The following ZNF841 variants were observed in gnomAD, a reference collection of about 807,000 sequenced individuals.
The protein encoded by ZNF841 is TCONS_00006091.
Under a neutral mutation model 13.0 loss-of-function variants are expected in ZNF841, and 11 were observed. The ratio of observed to expected loss-of-function variants is 0.85; its 90% CI spans 0.53 to 1.40. The LOEUF (loss-of-function observed/expected upper bound fraction) is 1.40. ZNF841 is among the 40% of genes most tolerant of loss of function. The pLI is 0.00. For missense variants in ZNF841, 1,068 were observed against 1,139.5 expected (o/e 0.94, Z 0.90); for synonymous variants, 369 against 381.6 (o/e 0.97, Z 0.38).
intron 3 of ZNF841, among the ~76,000 whole-genome samples, chr19:52,088,379 A>C (rs1253803554): frequency 6.6e-6 from 1 of 152,056 alleles, no homozygotes; most frequent in East Asian, 1.9e-4. Flanking sequence ...ATTTGAAAAA[A>C]CTCACAGATG....
At position 52,066,679 on chromosome 19, in the gene ZNF841, G is replaced by C; in HGVS notation, c.1203C>G (p.Tyr401Ter). 1 of 1,612,132 alleles carries C rather than the reference G, an allele frequency of 6.2e-7. No individual in the cohort carries two copies. The highest frequency in any genetic ancestry group is 8.5e-7 in the Non-Finnish European group (1 of 1,178,960). Residue 401 changes from tyrosine (Y) to a stop codon, truncating the protein, a stop_gained, in exon 7 of 7, where the codon TAC becomes TAG. Coordinates refer to ENST00000594440, the MANE Select transcript of ZNF841 (RefSeq NM_001136499.2). LOFTEE classifies it low-confidence loss of function (END_TRUNC). Reference protein sequence around the residue: ...HQTVHTGDKPYKCNECGKTFK... With the variant: ...HQTVHTGDKP ...AGGTTTTGCCACATTCATTACATTT[G>C]TAGGGTTTGTCTCCAGTATGAACTG...
the ZNF841 span, among the ~76,000 whole-genome samples, chr19:52,059,370 AATAT>A: frequency 1.1e-4 from 8 of 69,654 alleles, no homozygotes; most frequent in Non-Finnish European, 1.7e-4. Flanking sequence ...AAAAAAAAAA[AATAT>A]ATATATATAT....
intron 1 of ZNF841, among the ~76,000 whole-genome samples, chr19:52,094,266 A>G (rs2088599647): frequency 6.6e-6 from 1 of 152,202 alleles, no homozygotes; most frequent in Non-Finnish European, 1.5e-5. Context: ...CAACTTAAAC[A>G]TATTTCAAAT....
intron 6 of ZNF841, 40 bp downstream of exon 6, chr19:52,076,004 T>A: frequency 6.5e-7 from 1 of 1,548,838 alleles, no homozygotes; most frequent in East Asian, 2.4e-5. Flanking sequence ...CGCACACAAT[T>A]TCATGGTACC....
chr19:52,065,700 G>A lies in ZNF841; in HGVS notation c.2182C>T (p.Gln728Ter). ...FSHKTSLVYH[Q>*]RRHTGEMPYK... Reference sequence around the variant, plus strand: ...GGCATCTCTCCAGTATGTCTTCTCTGATGGTACACCAGACTTGTTTTATGA... The same window carrying A: ...GGCATCTCTCCAGTATGTCTTCTCTAATGGTACACCAGACTTGTTTTATGA... The change falls in exon 7 of 7, where the codon CAG becomes TAG. Residue 728 changes from glutamine to a stop codon, truncating the protein, a stop_gained. Coordinates refer to ENST00000594440, the MANE Select transcript of ZNF841 (RefSeq NM_001136499.2). LOFTEE classifies it low-confidence loss of function (END_TRUNC). 1 of 1,603,216 alleles carries A rather than the reference G, an allele frequency of 6.2e-7. No homozygotes were observed. Among genetic ancestry groups the A allele is most frequent in the East Asian group, 2.2e-5 (1 of 44,556 alleles).
chr19:52,070,242 G>A (rs909309241), intron 6 of ZNF841, among the ~76,000 whole-genome samples: 12 of 151,956 alleles, frequency 7.9e-5, no homozygotes, highest in African/African-American at 1.9e-4. Flanking sequence ...TGATTCTGTC[G>A]CTGTTCAGGG....
chr19:52,088,076 T>C (rs2088347195), intron 3 of ZNF841, among the ~76,000 whole-genome samples: 1 of 147,558 alleles, frequency 6.8e-6, no homozygotes, highest in South Asian at 2.1e-4. Context: ...CCCCCCTAAA[T>C]GATCTCTGTG....
chr19:52,062,731 G>T (rs2087424684), downstream of ZNF841, among the ~76,000 whole-genome samples: 1 of 152,118 alleles, frequency 6.6e-6, no homozygotes, highest in African/African-American at 2.4e-5. Flanking sequence ...TTGATCCTTT[G>T]ATGTACATAT....
At chr19:52,083,443 T>A (rs1050774226) in intron 4 of ZNF841, among the ~76,000 whole-genome samples, 11 of 148,498 alleles carry the variant, frequency 7.4e-5, no homozygotes, top group African/African-American at 2.7e-4. Flanking sequence ...AAAAAAAAAA[T>A]ACTACTATGT....
downstream of ZNF841, among the ~76,000 whole-genome samples, chr19:52,062,256 G>T (rs2087415595): frequency 6.6e-6 from 1 of 152,122 alleles, no homozygotes; most frequent in Admixed American, 6.6e-5. Flanking sequence ...TTGTCTGTAT[G>T]CACTTAAAAC....
chr19:52,064,229 C>G (rs1416386306), downstream of ZNF841, among the ~76,000 whole-genome samples: 1 of 151,654 alleles, frequency 6.6e-6, no homozygotes, highest in Non-Finnish European at 1.5e-5. Context: ...GCCTGTAGTC[C>G]CAGCTACTCG....
chr19:52,077,094 A>G lies in ZNF841; in HGVS notation c.16-10T>C, dbSNP rs1278379540. On this transcript the variant is annotated splice_polypyrimidine_tract_variant and intron_variant, in intron 4 of 6. Transcript: ENST00000594440. ...TGAATGTCAAAGATCCCTGAAATGA[A>G]AAACACATTTCAATATGAGCAGTGG... 1.2e-6 allele frequency: 2 copies of G among 1,604,734 alleles called. No homozygotes were observed. Among genetic ancestry groups the G allele is most frequent in the South Asian group, 2.2e-5 (2 of 89,978 alleles).
At position 52,067,079 on chromosome 19, in the gene ZNF841, T is replaced by C. The variant is rs1271254236; in HGVS notation, c.803A>G (p.Lys268Arg). The change falls in exon 7 of 7, where the codon AAA becomes AGA. Residue 268 changes from lysine to arginine, a missense_variant. Physicochemically the swap from Lys to Arg is conservative, Grantham distance 26. Transcript: ENST00000594440. The stretch of plus-strand genomic sequence containing the variant: ...AAGACTTGAAGACACTCTGAAGGCT[T>C]TGCCACACTCATTACCTATGTAAGG... ...EKPYIGNECG[K>R]AFRVSSSLIN... The C allele has an allele frequency of 6.2e-7, 1 of 1,606,580 alleles. No homozygotes were observed. The highest frequency in any genetic ancestry group is 1.7e-5 in the Admixed American group (1 of 58,710).
At chr19:52,090,718 A>G (rs185978259) in intron 2 of ZNF841, among the ~76,000 whole-genome samples, 5 of 152,070 alleles carry the variant, frequency 3.3e-5, no homozygotes, top group African/African-American at 1.2e-4. Context: ...AGAAAGAAAG[A>G]AAGAAAAAAG....
At position 52,065,687 on chromosome 19, in the gene ZNF841, G is replaced by C; in HGVS notation, c.2195C>G (p.Thr732Ser). 6.2e-7 allele frequency: 1 copy of C among 1,603,172 alleles called. No homozygotes were observed. The highest frequency in any genetic ancestry group is 8.5e-7 in the Non-Finnish European group (1 of 1,174,250). Reference protein sequence around the residue: ...TSLVYHQRRHTGEMPYKCIEC... With the variant: ...TSLVYHQRRHSGEMPYKCIEC... ...AATACATTTGTATGGCATCTCTCCA[G>C]TATGTCTTCTCTGATGGTACACCAG... Residue 732 changes from threonine (T) to serine (S), a missense_variant, in exon 7 of 7, where the codon ACT (threonine) becomes AGT (serine). By Grantham distance (58) the Thr-to-Ser change is moderately conservative (BLOSUM62 1). Transcript: ENST00000594440.
chr19:52,066,015 T>C lies in ZNF841; in HGVS notation c.1867A>G (p.Lys623Glu), dbSNP rs771555338. ...CCGCATTCGTTACACTGGAAAGGTT[T>C]CTCTCCGGTATGACTTCGCCTATGA... ...SIHRRSHTGE[K>E]PFQCNECGKV... Residue 623 changes from lysine to glutamate, a missense_variant, in exon 7 of 7, where the codon AAA becomes GAA. Lys to Glu is a moderately conservative substitution (Grantham distance 56). Coordinates refer to ENST00000594440, the MANE Select transcript of ZNF841 (RefSeq NM_001136499.2). The C allele has an allele frequency of 5.0e-6, 8 of 1,613,990 alleles. No homozygotes were observed. The highest frequency in any genetic ancestry group is 1.7e-5 in the Admixed American group (1 of 60,010).
At chr19:52,068,234 T>C (rs902611736) in intron 6 of ZNF841, among the ~76,000 whole-genome samples, 1 of 152,134 alleles carries the variant, frequency 6.6e-6, no homozygotes, top group Non-Finnish European at 1.5e-5. Context: ...TCACTGGCTT[T>C]TAAAGATAAA....
At chr19:52,091,206 T>C (rs2088487187) in intron 2 of ZNF841, among the ~76,000 whole-genome samples, 1 of 152,120 alleles carries the variant, frequency 6.6e-6, no homozygotes. Context: ...CACAAAGAAA[T>C]GGAAAGCTAT....
At chr19:52,067,713 G>T (rs2087627004) in intron 6 of ZNF841, 103 bp from the exon 7 acceptor site, 2 of 781,130 alleles carry the variant, frequency 2.6e-6, no homozygotes, top group South Asian at 5.6e-5. Flanking sequence ...ATACTAGCAA[G>T]TTGTGAAACT....
Sources: gnomAD v4.1 joint callset for allele counts (sites outside exome capture counted in the v4.1 genomes callset) on GRCh38, gnomAD v4.1.1 for gene constraint, MANE v1.5 for transcripts, NCBI Gene and HGNC (gene_info 2026-07-23, HGNC 2026-07-21) for gene names.